The following NBEA variants were observed in gnomAD, a reference collection of about 807,000 sequenced individuals.
NBEA encodes neurobeachin.
A neutral mutation model predicts 343.4 loss-of-function variants in NBEA; 44 were observed. The observed-to-expected ratio is 0.13, with a 90% CI of 0.10 to 0.16. The LOEUF (loss-of-function observed/expected upper bound fraction) is 0.16, where lower values mean the gene tolerates loss of function less well. NBEA is among the 10% of genes least tolerant of loss of function. NBEA has a pLI of 1.00. For synonymous variants in NBEA, 1,175 were observed against 1,238.7 expected (o/e 0.95, Z 1.08); for missense variants, 2,555 against 3,631.3 (o/e 0.70, Z 7.62).
intron 41 of NBEA, among the ~76,000 whole-genome samples, chr13:35,537,354 A>G (rs2078608744): frequency 6.6e-6 from 1 of 152,084 alleles, no homozygotes; most frequent in Admixed American, 6.5e-5. Context: ...GAACAAAATC[A>G]GAAATCAGAC....
intron 31 of NBEA, among the ~76,000 whole-genome samples, chr13:35,205,473 G>C (rs981563567): frequency 6.6e-6 from 1 of 152,026 alleles, no homozygotes; most frequent in African/African-American, 2.4e-5. Context: ...TAAAAATGCT[G>C]TAACTTTTTC....
intron 11 of NBEA, among the ~76,000 whole-genome samples, chr13:35,107,866 G>C (rs2152654582): frequency 6.6e-6 from 1 of 152,074 alleles, no homozygotes; most frequent in South Asian, 2.1e-4. Context: ...GGTGAAATTG[G>C]CCCACAGTAA....
In NBEA at chr13:35,340,133, G is replaced by A. The variant is rs1351144799; in HGVS notation, c.5904-8975G>A. The stretch of plus-strand genomic sequence containing the variant: ...CAGCTATTCCACTGCTGCTTATGTT[G>A]CCAAAAGATTTAAAAGTAGGGACTC... On this transcript the variant is annotated intron_variant, in intron 36 of 58. Transcript: ENST00000379939. Among the ~76,000 whole-genome samples, 3 of 152,028 alleles carry A rather than the reference G, an allele frequency of 2.0e-5. No homozygotes were observed. In the East Asian group the frequency reaches 5.8e-4, roughly 29 times the overall value.
At chr13:35,576,296 T>C (rs1027513013) in intron 45 of NBEA, among the ~76,000 whole-genome samples, 4 of 151,820 alleles carry the variant, frequency 2.6e-5, no homozygotes, top group East Asian at 1.9e-4. Context: ...TTTGTATTTT[T>C]AGTAGAGATG....
chr13:35,526,970 A>G (rs1337817834), intron 41 of NBEA, among the ~76,000 whole-genome samples: 1 of 151,902 alleles, frequency 6.6e-6, no homozygotes, highest in Non-Finnish European at 1.5e-5. Flanking sequence ...TATCACAACC[A>G]TGGCTCAGGG....
At chr13:35,085,095 C>T (rs1175138554) in intron 10 of NBEA, among the ~76,000 whole-genome samples, 1 of 152,078 alleles carries the variant, frequency 6.6e-6, no homozygotes, top group African/African-American at 2.4e-5. Flanking sequence ...TAATTAATAG[C>T]TTACCAACCA....
At chr13:35,205,903 T>C (rs760055636) in intron 31 of NBEA, among the ~76,000 whole-genome samples, 4 of 152,048 alleles carry the variant, frequency 2.6e-5, no homozygotes, top group Non-Finnish European at 5.9e-5. Context: ...ATGCATCTCA[T>C]TTTAATGGGG....
intron 17 of NBEA, among the ~76,000 whole-genome samples, chr13:35,131,134 G>A (rs532445554): frequency 2.9e-3 from 441 of 152,086 alleles, no homozygotes; most frequent in Middle Eastern, 0.014. Context: ...GAAACAGAAA[G>A]CAAGACTATT....
intron 45 of NBEA, 96 bp from the exon 46 acceptor site, chr13:35,583,802 A>C: frequency 2.2e-6 from 2 of 898,896 alleles, no homozygotes; most frequent in Non-Finnish European, 3.3e-6. Flanking sequence ...GTATGGCTAA[A>C]ATGAATTAAC....
intron 31 of NBEA, among the ~76,000 whole-genome samples, chr13:35,196,939 C>G: frequency 6.6e-6 from 1 of 152,016 alleles, no homozygotes; most frequent in Non-Finnish European, 1.5e-5. Context: ...TGTCATATAT[C>G]TACATTCAAA....
intron 40 of NBEA, among the ~76,000 whole-genome samples, chr13:35,455,757 T>G (rs117614550): frequency 0.041 from 6,168 of 152,078 alleles, 181 homozygotes; most frequent in Non-Finnish European, 0.058. Flanking sequence ...AAGGTAAAAA[T>G]TATTACCACC....
rs1251218570 is a variant in NBEA, at chr13:35,089,137, A to AG, written c.1572-9159dup. On this transcript the variant is annotated intron_variant, in intron 10 of 58. Coordinates refer to ENST00000379939, the MANE Select transcript of NBEA (RefSeq NM_001385012.1). The stretch of plus-strand genomic sequence containing the variant: ...GTGAACAGGCAACCTACAAAATGGG[A>AG]GAAAATTTTCGCAACCTACTCATCT... Among the ~76,000 whole-genome samples, 601 of 82,756 alleles carry AG rather than the reference A, an allele frequency of 7.3e-3. 2 individuals are homozygous for AG. Among genetic ancestry groups the AG allele is most frequent in the African/African-American group, 0.027 (579 of 21,302 alleles). The allele number at this position is 82,756 out of a possible 152,430, so 54.3% of individuals were successfully genotyped here.
intron 48 of NBEA, among the ~76,000 whole-genome samples, chr13:35,611,163 A>G (rs1453553849): frequency 2.6e-5 from 4 of 152,144 alleles, no homozygotes; most frequent in Non-Finnish European, 1.5e-5. Context: ...CACCAACCAT[A>G]TAACCCAGCA....
chr13:35,583,761 A>G (rs2081163162), intron 45 of NBEA, 137 bp from the exon 46 acceptor site: 2 of 651,120 alleles, frequency 3.1e-6, no homozygotes, highest in Non-Finnish European at 5.0e-6. Flanking sequence ...AGTATGGTTA[A>G]AAATGTAATA....
At chr13:35,431,291 G>A (rs2045094553) in intron 38 of NBEA, among the ~76,000 whole-genome samples, 1 of 151,920 alleles carries the variant, frequency 6.6e-6, no homozygotes, top group South Asian at 2.1e-4. Context: ...TTCTAGGAAA[G>A]TATTTTATAT....
chr13:35,350,650 C>A (rs1179621817), intron 37 of NBEA, among the ~76,000 whole-genome samples: 1 of 149,826 alleles, frequency 6.7e-6, no homozygotes, highest in Non-Finnish European at 1.5e-5. Context: ...GATTATATTG[C>A]CAGTGTTATT....
At chr13:35,574,894 C>T (rs775736434) in intron 45 of NBEA, among the ~76,000 whole-genome samples, 6 of 151,996 alleles carry the variant, frequency 3.9e-5, no homozygotes, top group Admixed American at 2.0e-4. Context: ...GGATTAAAGG[C>T]GTGCACCACC....
intron 38 of NBEA, among the ~76,000 whole-genome samples, chr13:35,365,805 T>G (rs2041073328): frequency 6.6e-6 from 1 of 151,748 alleles, no homozygotes; most frequent in Non-Finnish European, 1.5e-5. Flanking sequence ...AAATATCCTT[T>G]TTTTATAACA....
chr13:35,483,486 TA>T (rs2076195614), intron 41 of NBEA, among the ~76,000 whole-genome samples: 1 of 152,018 alleles, frequency 6.6e-6, no homozygotes, highest in South Asian at 2.1e-4. Flanking sequence ...GACATGTGTA[TA>T]AATATACATT....
Sources: allele counts gnomAD v4.1 joint callset (sites outside exome capture counted in the v4.1 genomes callset), GRCh38; gene constraint gnomAD v4.1.1; transcripts MANE v1.5; gene names NCBI Gene and HGNC (gene_info 2026-07-23, HGNC 2026-07-21).